Variants in TSHR observed in about 807,000 individuals in gnomAD.
The protein encoded by TSHR is thyroid stimulating hormone receptor.
Under a neutral mutation model 64.1 loss-of-function variants are expected in TSHR, and 51 were observed. The observed-to-expected ratio is 0.80, with a 90% CI of 0.64 to 1.01. The LOEUF is 1.01. Ranked by LOEUF, TSHR falls within the 50% of genes least tolerant of loss-of-function variation. The pLI, the probability that TSHR is intolerant of heterozygous loss-of-function variation, is 0.00. For synonymous variants in TSHR, 361 were observed against 361.9 expected (o/e 1.00, Z 0.03); for missense variants, 877 against 942.8 (o/e 0.93, Z 0.91).
rs1555376189 is a variant in TSHR at position 81,067,483 on chromosome 14, T to TTTTA, written c.243-770_243-769insTTAT. Among the ~76,000 whole-genome samples the TTTTA allele has an allele frequency of 5.8e-4, 78 of 134,970 alleles. 1 individual carries two copies. Among genetic ancestry groups the TTTTA allele is most frequent in the Middle Eastern group, 7.5e-3 (2 of 268 alleles). The allele number at this position is 134,970 out of a possible 152,430, so 88.5% of individuals were successfully genotyped here. A position where few individuals can be genotyped will look rare whatever the true frequency, so the allele number is the denominator to read the frequency against. ...TAATTAGTGAAAGGAGTTTATAGTT[T>TTTTA]TATATATATATATATATATATAGTG... On this transcript the variant is annotated intron_variant, in intron 2 of 9. Transcript: ENST00000298171.
chr14:80,970,932 C>A (rs1011817016), intron 1 of TSHR, among the ~76,000 whole-genome samples: 1 of 152,064 alleles, frequency 6.6e-6, no homozygotes, highest in East Asian at 1.9e-4. Flanking sequence ...CCTCCAAGGC[C>A]CAAGCAATTA....
intron 1 of TSHR, among the ~76,000 whole-genome samples, chr14:81,039,716 C>A (rs1884829539): frequency 6.6e-6 from 1 of 151,818 alleles, no homozygotes; most frequent in East Asian, 1.9e-4. Flanking sequence ...AGCAATCCCA[C>A]TTACAACAGT....
At chr14:80,981,750 C>G (rs367582542) in intron 1 of TSHR, among the ~76,000 whole-genome samples, 1 of 152,264 alleles carries the variant, frequency 6.6e-6, no homozygotes, top group South Asian at 2.1e-4. Flanking sequence ...TCAGCTTCAG[C>G]AGGTCTGCAC....
intron 1 of TSHR, among the ~76,000 whole-genome samples, chr14:80,977,880 CTGAGTTTAGTCT>C (rs1256395657): frequency 7.0e-4 from 106 of 152,240 alleles, no homozygotes; most frequent in African/African-American, 2.3e-3. Flanking sequence ...ACTGTAAGTT[CTGAGTTTAGTCT>C]TCAGCTCTTT....
At chr14:81,108,887 G>A (rs944246448) in intron 8 of TSHR, 2 of 1,432,776 alleles carry the variant, frequency 1.4e-6, no homozygotes, top group Middle Eastern at 2.6e-4. Flanking sequence ...ACTCGTCTGT[G>A]GAAGAACTTA....
intron 1 of TSHR, among the ~76,000 whole-genome samples, chr14:81,024,715 C>G (rs1391550215): frequency 1.3e-5 from 2 of 152,160 alleles, no homozygotes; most frequent in East Asian, 3.9e-4. Context: ...GCACTAGATT[C>G]ATTTATCTTG....
intron 1 of TSHR, chr14:80,982,839 C>T (rs527787631): frequency 6.6e-5 from 33 of 500,106 alleles, no homozygotes; most frequent in Non-Finnish European, 8.0e-5. Context: ...CTTTTGGTTC[C>T]GACCCTTGCA....
chr14:81,091,181 T>A lies in TSHR; in HGVS notation c.467+38T>A, dbSNP rs150672176. The A allele has an allele frequency of 8.4e-5, 130 of 1,554,890 alleles. 1 individual carries two copies. The African/African-American group carries it at 1.7e-3, about 20-fold the overall frequency. On this transcript the variant is annotated intron_variant, in intron 5 of 9. Transcript: ENST00000298171. ...ACATGCCATGTTTGACAATATTTTGTTTGTCACTGACAAGAACTAGAATAC... is the reference window on the plus strand; with the variant it reads ...ACATGCCATGTTTGACAATATTTTGATTGTCACTGACAAGAACTAGAATAC...
intron 1 of TSHR, among the ~76,000 whole-genome samples, chr14:81,016,726 A>G (rs1206986281): frequency 6.6e-6 from 1 of 152,142 alleles, no homozygotes; most frequent in African/African-American, 2.4e-5. Context: ...TTCAAGATCA[A>G]TGTCAAAGAG....
chr14:81,133,086 TCAA>T lies in TSHR; in HGVS notation c.693-6589_693-6587del, dbSNP rs762713236. Among the ~76,000 whole-genome samples the T allele has an allele frequency of 4.3e-4, 66 of 152,322 alleles. 1 individual carries two copies. Among genetic ancestry groups the T allele is most frequent in the Non-Finnish European group, 7.2e-4 (49 of 68,016 alleles). On this transcript the variant is annotated intron_variant, in intron 8 of 9. Transcript: ENST00000298171. ...GAGACTATCAAATGTGGCTCAGTAC[TCAA>T]CAAGTATTTGTTCCAAGCTCTTGCA...
intron 1 of TSHR, among the ~76,000 whole-genome samples, chr14:81,047,634 G>A (rs147720639): frequency 7.3e-5 from 11 of 151,370 alleles, no homozygotes; most frequent in Admixed American, 4.6e-4. Flanking sequence ...CCAGAACACT[G>A]GACAGATGAC....
chr14:80,969,097 T>C (rs1887461437), intron 1 of TSHR, among the ~76,000 whole-genome samples: 1 of 152,208 alleles, frequency 6.6e-6, no homozygotes, highest in East Asian at 1.9e-4. Context: ...TAGAACACAA[T>C]AGCATATGTT....
chr14:81,112,547 C>A (rs1379110579), intron 8 of TSHR, among the ~76,000 whole-genome samples: 1 of 152,148 alleles, frequency 6.6e-6, no homozygotes, highest in Admixed American at 6.5e-5. Flanking sequence ...AGCTGAAATT[C>A]TTTTCTTGCT....
intron 9 of TSHR, 81 bp from the exon 10 acceptor site, chr14:81,142,859 C>T (rs1219411758): frequency 7.8e-7 from 1 of 1,280,242 alleles, no homozygotes; most frequent in South Asian, 1.2e-5. Context: ...ATCCACCTGC[C>T]TTGGCCTCCC....
chr14:81,097,756 C>A (rs773559632), intron 7 of TSHR, among the ~76,000 whole-genome samples: 4 of 152,156 alleles, frequency 2.6e-5, no homozygotes, highest in Non-Finnish European at 5.9e-5. Flanking sequence ...TGTTTGAACT[C>A]ATTACACTGA....
chr14:81,096,518 T>C, intron 6 of TSHR, 121 bp from the exon 7 acceptor site: 1 of 916,830 alleles, frequency 1.1e-6, no homozygotes, highest in South Asian at 1.4e-5. Context: ...GATACATATG[T>C]GGGACCTGAA....
intron 1 of TSHR, among the ~76,000 whole-genome samples, chr14:80,985,310 A>T (rs1655639455): frequency 2.0e-5 from 3 of 152,210 alleles, no homozygotes; most frequent in Non-Finnish European, 4.4e-5. Context: ...ATCATGCCTT[A>T]ATTTTTTTTA....
At chr14:81,073,378 A>G (rs908320042) in intron 3 of TSHR, among the ~76,000 whole-genome samples, 2 of 152,140 alleles carry the variant, frequency 1.3e-5, no homozygotes, top group African/African-American at 4.8e-5. Flanking sequence ...AAACTTGATC[A>G]TATTGGCTTA....
chr14:81,081,320 A>G (rs1170080694), intron 3 of TSHR, among the ~76,000 whole-genome samples: 1 of 152,190 alleles, frequency 6.6e-6, no homozygotes, highest in South Asian at 2.1e-4. Context: ...TTTTCTCTGT[A>G]TTATCAAATG....
Sources: allele counts gnomAD v4.1 joint callset (sites outside exome capture counted in the v4.1 genomes callset), GRCh38; gene constraint gnomAD v4.1.1; transcripts MANE v1.5; gene names NCBI Gene and HGNC (gene_info 2026-07-23, HGNC 2026-07-21).